The following KIRREL1 variants were observed in gnomAD, a reference collection of about 807,000 sequenced individuals.
KIRREL1 encodes kirre like nephrin family adhesion molecule 1, also known as kin of IRRE-like protein 1.
A neutral mutation model predicts 83.3 loss-of-function variants in KIRREL1; 25 were observed. The observed-to-expected ratio is 0.30, with a 90% CI of 0.22 to 0.42. KIRREL1 has a LOEUF of 0.42. Ranked by LOEUF, KIRREL1 falls within the 10% of genes least tolerant of loss-of-function variation. KIRREL1 has a pLI of 1.00. For synonymous variants in KIRREL1, 388 were observed against 410.4 expected, an observed-to-expected ratio of 0.95 and a Z score of 0.66; for missense variants, 812 against 1,032.3, an observed-to-expected ratio of 0.79 and a Z score of 2.92.
At chr1:158,071,801 C>T (rs1471143884) in intron 1 of KIRREL1, among the ~76,000 whole-genome samples, 1 of 152,164 alleles carries the variant, frequency 6.6e-6, no homozygotes, top group Non-Finnish European at 1.5e-5. Flanking sequence ...GACGGCCAGG[C>T]AACCAGGACC....
chr1:158,000,797 C>T (rs1170672668), intron 1 of KIRREL1, among the ~76,000 whole-genome samples: 2 of 152,102 alleles, frequency 1.3e-5, no homozygotes, highest in East Asian at 1.9e-4. Context: ...AAATAGGCAT[C>T]GTATTGAAAT....
At chr1:158,079,395 C>G (rs1400813374) in intron 3 of KIRREL1, among the ~76,000 whole-genome samples, 1 of 152,230 alleles carries the variant, frequency 6.6e-6, no homozygotes, top group Admixed American at 6.5e-5. Context: ...TCTCGGCTCA[C>G]TGTAATCTCC....
rs1321924541 is a variant in KIRREL1, at chr1:158,089,614, C to T, written c.1157C>T (p.Pro386Leu). ...ATCGGAGTGGCTGAGCGGGAGGTGC[C>T]GCTCTATGTGAACGGTGAGTGAGTG... ...PRIGVAEREV[P>L]LYVNGPPIIS... The change falls in exon 9 of 15, where the codon CCG becomes CTG. Residue 386 changes from proline to leucine, a missense_variant. Around this residue, in one of 3 missense-constraint regions of KIRREL1, gnomAD observed 472 missense variants for 626.8 expected, o/e 0.75. Coordinates refer to ENST00000359209, the MANE Select transcript of KIRREL1 (RefSeq NM_018240.7). 9 of 1,613,466 alleles carry T rather than the reference C, an allele frequency of 5.6e-6. No individual in the cohort carries two copies. The highest frequency in any genetic ancestry group is 2.2e-5 in the South Asian group (2 of 91,064).
chr1:158,046,484 G>A (rs1278217449), intron 1 of KIRREL1, among the ~76,000 whole-genome samples: 2 of 152,134 alleles, frequency 1.3e-5, no homozygotes, highest in Admixed American at 6.5e-5. Context: ...GGAGGGAAAG[G>A]TCTGAGCTGG....
chr1:158,037,471 G>A (rs991947501), intron 1 of KIRREL1, among the ~76,000 whole-genome samples: 20 of 122,688 alleles, frequency 1.6e-4, no homozygotes, highest in Middle Eastern at 7.7e-3. Context: ...CCAGCCTGGC[G>A]ACAAAGCAAG....
intron 1 of KIRREL1, among the ~76,000 whole-genome samples, chr1:158,037,098 C>T (rs185494963): frequency 9.2e-5 from 14 of 152,270 alleles, no homozygotes; most frequent in African/African-American, 3.1e-4. Flanking sequence ...CATGCAGCAG[C>T]GAGTCCAGAT....
At chr1:158,016,501 G>C (rs1659829698) in intron 1 of KIRREL1, among the ~76,000 whole-genome samples, 1 of 152,098 alleles carries the variant, frequency 6.6e-6, no homozygotes, top group African/African-American at 2.4e-5. Context: ...GAAGAGCCTT[G>C]ACCCGAGTAA....
At chr1:158,062,657 T>G (rs6677623) in intron 1 of KIRREL1, among the ~76,000 whole-genome samples, 108,579 of 152,266 alleles carry the variant, frequency 0.71, 39,683 homozygotes, top group African/African-American at 0.86. Flanking sequence ...GGTAACACAC[T>G]CACGCTTACC....
intron 1 of KIRREL1, among the ~76,000 whole-genome samples, chr1:158,002,402 C>A (rs548853541): frequency 6.6e-6 from 1 of 152,324 alleles, no homozygotes; most frequent in South Asian, 2.1e-4. Flanking sequence ...TGGTCTGTGG[C>A]CTTAGATACA....
intron 1 of KIRREL1, among the ~76,000 whole-genome samples, chr1:158,033,112 T>A (rs1660375380): frequency 6.6e-6 from 1 of 151,946 alleles, no homozygotes; most frequent in Non-Finnish European, 1.5e-5. Flanking sequence ...GTTTCGCTGT[T>A]GTCACCCAGG....
chr1:158,021,638 T>C (rs1335995191), intron 1 of KIRREL1, among the ~76,000 whole-genome samples: 2 of 152,218 alleles, frequency 1.3e-5, no homozygotes, highest in Non-Finnish European at 2.9e-5. Context: ...CTGAATACTA[T>C]TTACTTTCTA....
chr1:158,083,659 T>C (rs1661930832), intron 3 of KIRREL1, among the ~76,000 whole-genome samples: 1 of 152,216 alleles, frequency 6.6e-6, no homozygotes, highest in South Asian at 2.1e-4. Context: ...CCAGCCCATC[T>C]GTCTGCTCCA....
chr1:158,061,972 T>C (rs1345249014), intron 1 of KIRREL1, among the ~76,000 whole-genome samples: 1 of 152,132 alleles, frequency 6.6e-6, no homozygotes, highest in Non-Finnish European at 1.5e-5. Context: ...GCCTCCTTCA[T>C]GGAAATGAGG....
chr1:158,027,008 A>G (rs540224842), intron 1 of KIRREL1, among the ~76,000 whole-genome samples: 1 of 152,018 alleles, frequency 6.6e-6, no homozygotes, highest in East Asian at 1.9e-4. Flanking sequence ...CTTCAATTCA[A>G]CTCTGACACT....
chr1:158,091,095 T>A (rs1442269913), intron 10 of KIRREL1, among the ~76,000 whole-genome samples: 2 of 152,198 alleles, frequency 1.3e-5, no homozygotes, highest in African/African-American at 4.8e-5. Context: ...CCCAAATATC[T>A]ACATTTGAAA....
chr1:158,018,436 G>T (rs1659900417), intron 1 of KIRREL1, among the ~76,000 whole-genome samples: 1 of 152,162 alleles, frequency 6.6e-6, no homozygotes, highest in Non-Finnish European at 1.5e-5. Flanking sequence ...GCAGGTAGGA[G>T]GCAGCTCATA....
intron 1 of KIRREL1, among the ~76,000 whole-genome samples, chr1:157,999,574 TC>T (rs1476509353): frequency 6.6e-6 from 1 of 152,150 alleles, no homozygotes; most frequent in Non-Finnish European, 1.5e-5. Flanking sequence ...GATGTTTCCA[TC>T]TGAGGCTAGA....
At chr1:157,996,795 A>T (rs1659218654) in intron 1 of KIRREL1, among the ~76,000 whole-genome samples, 1 of 152,208 alleles carries the variant, frequency 6.6e-6, no homozygotes, top group Non-Finnish European at 1.5e-5. Context: ...TTTGACCTTG[A>T]CTGAACTCCA....
chr1:158,014,002 G>A (rs1452576112), intron 1 of KIRREL1, among the ~76,000 whole-genome samples: 1 of 152,114 alleles, frequency 6.6e-6, no homozygotes, highest in Admixed American at 6.6e-5. Context: ...CCCTCCTAAG[G>A]GGCCTATTCT....
Sources: allele counts gnomAD v4.1 joint callset (sites outside exome capture counted in the v4.1 genomes callset), GRCh38; gene constraint gnomAD v4.1.1; regional missense constraint gnomAD v4.1.1; transcripts MANE v1.5; gene names NCBI Gene and HGNC (gene_info 2026-07-23, HGNC 2026-07-21).